The following UBE2H variants were observed in gnomAD, a reference collection of about 807,000 sequenced individuals.
UBE2H encodes the protein ubiquitin-conjugating enzyme E2 H.
A neutral mutation model predicts 29.0 loss-of-function variants in UBE2H; 3 were observed. The observed-to-expected ratio is 0.10, with a 90% CI of 0.05 to 0.27. The LOEUF is 0.27. Among genes scored for constraint, UBE2H ranks in the 10% least tolerant of loss-of-function variants. UBE2H has a pLI of 1.00. For missense variants in UBE2H, 68 were observed against 228.2 expected, an observed-to-expected ratio of 0.30 and a Z score of 4.52; for synonymous variants, 69 against 82.9, an observed-to-expected ratio of 0.83 and a Z score of 0.91.
At chr7:129,850,069 A>C (rs1001172254) in intron 5 of UBE2H, among the ~76,000 whole-genome samples, 1 of 151,990 alleles carries the variant, frequency 6.6e-6, no homozygotes, top group Admixed American at 6.6e-5. Flanking sequence ...CCCTCCTCCC[A>C]CCTCTCAAAA....
At chr7:129,850,515 A>G (rs1805589272) in intron 5 of UBE2H, among the ~76,000 whole-genome samples, 1 of 152,164 alleles carries the variant, frequency 6.6e-6, no homozygotes, top group African/African-American at 2.4e-5. Flanking sequence ...GGAAAGGGCA[A>G]TATGAAAGAT....
At chr7:129,944,153 A>G (rs192063692) in intron 1 of UBE2H, among the ~76,000 whole-genome samples, 3,145 of 151,132 alleles carry the variant, frequency 0.021, 49 homozygotes, top group Non-Finnish European at 0.032. Flanking sequence ...TCAGGAGATC[A>G]AGACCATCCT....
At chr7:129,930,159 T>C (rs148374784) in intron 1 of UBE2H, among the ~76,000 whole-genome samples, 1 of 152,274 alleles carries the variant, frequency 6.6e-6, no homozygotes, top group East Asian at 1.9e-4. Context: ...CAGCACGCTT[T>C]ACACTCTGTA....
In UBE2H at chr7:129,832,478, TCA is replaced by T. The variant is rs1238803811; in HGVS notation, c.*2457_*2458del. 1.8e-5 allele frequency: 2 copies of T among 110,488 alleles called. No homozygotes were observed. The highest frequency in any genetic ancestry group is 2.7e-4 in the East Asian group (1 of 3,656). 6.8% of individuals were successfully genotyped at this position (110,488 alleles called of 1,614,324 possible). ...CACACACACACTCTCGCTCACACTC[TCA>T]CACATGTGCACACATACACACACTC... is the stretch of plus-strand genomic sequence containing the variant. On this transcript the variant is annotated 3_prime_UTR_variant, in exon 7 of 7. Coordinates refer to ENST00000355621, the MANE Select transcript of UBE2H (RefSeq NM_003344.4).
chr7:129,927,513 C>T (rs1363139645), intron 1 of UBE2H, among the ~76,000 whole-genome samples: 1 of 152,150 alleles, frequency 6.6e-6, no homozygotes, highest in Admixed American at 6.5e-5. Flanking sequence ...GCACTCCAGC[C>T]TGGCTGACAG....
rs904863454 is a variant in UBE2H, at chr7:129,840,193, G to GT, written c.299-859dup. On this transcript the variant is annotated intron_variant, in intron 5 of 6. Coordinates refer to ENST00000355621, the MANE Select transcript of UBE2H (RefSeq NM_003344.4). ...CTACTGCATTTATTTATTTAAAAAA[G>GT]TTTTTTTTTTGAGAGAGGATCTCAC... 5.1e-3 allele frequency among the ~76,000 whole-genome samples: 753 copies of GT among 148,824 alleles called. 7 individuals are homozygous for GT. The highest frequency in any genetic ancestry group is 0.016 in the African/African-American group (656 of 40,650).
chr7:129,881,889 T>C (rs1050625339), intron 1 of UBE2H, among the ~76,000 whole-genome samples: 1 of 152,266 alleles, frequency 6.6e-6, no homozygotes, highest in Middle Eastern at 3.4e-3. Flanking sequence ...TATGGAATAA[T>C]CAACACAGTT....
In UBE2H at chr7:129,835,065, C is replaced by A; in HGVS notation, c.428-4G>T. On this transcript the variant is annotated splice_region_variant and splice_polypyrimidine_tract_variant and intron_variant, in intron 6 of 6. Coordinates refer to ENST00000355621, the MANE Select transcript of UBE2H (RefSeq NM_003344.4). The stretch of plus-strand genomic sequence containing the variant: ...GTGGCGTATTTCTGGATGTACTCTG[C>A]ACGGGGTGGGAGAAAGACAACAAGG... 6.2e-7 allele frequency: 1 copy of A among 1,614,046 alleles called. No homozygotes were observed. The highest frequency in any genetic ancestry group is 8.5e-7 in the Non-Finnish European group (1 of 1,180,008).
intron 1 of UBE2H, among the ~76,000 whole-genome samples, chr7:129,931,405 AC>A (rs1309266252): frequency 3.9e-5 from 6 of 152,006 alleles, no homozygotes; most frequent in Non-Finnish European, 7.4e-5. Context: ...GAAAAAAAAA[AC>A]CTGAAGACCT....
At chr7:129,850,118 G>C (rs1011302539) in intron 5 of UBE2H, among the ~76,000 whole-genome samples, 1 of 152,166 alleles carries the variant, frequency 6.6e-6, no homozygotes, top group East Asian at 1.9e-4. Context: ...TGTAATCCTA[G>C]CACTTTGGGA....
chr7:129,870,364 C>G, intron 3 of UBE2H, among the ~76,000 whole-genome samples: 1 of 152,298 alleles, frequency 6.6e-6, no homozygotes, highest in East Asian at 1.9e-4. Context: ...ACCTGCTGTC[C>G]CAGCACATTG....
intron 1 of UBE2H, among the ~76,000 whole-genome samples, chr7:129,952,191 G>A (rs1309319577): frequency 6.6e-6 from 1 of 151,910 alleles, no homozygotes; most frequent in Non-Finnish European, 1.5e-5. Flanking sequence ...TAGAGAGTGA[G>A]GCGACTGGTC....
At chr7:129,924,308 G>A (rs760058802) in intron 1 of UBE2H, among the ~76,000 whole-genome samples, 28 of 152,272 alleles carry the variant, frequency 1.8e-4, no homozygotes, top group South Asian at 4.1e-4. Context: ...TACTAATGGC[G>A]TAAGACTGAG....
intron 1 of UBE2H, among the ~76,000 whole-genome samples, chr7:129,917,893 G>A (rs1307456522): frequency 6.6e-6 from 1 of 152,108 alleles, no homozygotes; most frequent in Non-Finnish European, 1.5e-5. Flanking sequence ...ACATACCTTT[G>A]AATACGCTCC....
intron 1 of UBE2H, among the ~76,000 whole-genome samples, chr7:129,890,252 C>T (rs150085552): frequency 6.8e-6 from 1 of 146,866 alleles, no homozygotes; most frequent in Non-Finnish European, 1.5e-5. Flanking sequence ...CACACGTATA[C>T]ATACACACGT....
In UBE2H at chr7:129,835,006, G is replaced by C; in HGVS notation, c.483C>G (p.Thr161=). Residue 161 remains threonine, a synonymous_variant, in exon 7 of 7, where the codon ACC becomes ACG. Coordinates refer to ENST00000355621, the MANE Select transcript of UBE2H (RefSeq NM_003344.4). ...EEALKEQEEG[T]GDSSSESSMS... Reference sequence around the variant, plus strand: ...TAGAGCTCTCCGATGAGCTGTCCCCGGTACCCTCTTCCTGTTCTTTCAGCG... The same window carrying C: ...TAGAGCTCTCCGATGAGCTGTCCCCCGTACCCTCTTCCTGTTCTTTCAGCG... 1 of 1,613,972 alleles carries C rather than the reference G, an allele frequency of 6.2e-7. No individual in the cohort carries two copies. The highest frequency in any genetic ancestry group is 8.5e-7 in the Non-Finnish European group (1 of 1,180,018).
At chr7:129,909,261 T>C (rs1003098719) in intron 1 of UBE2H, among the ~76,000 whole-genome samples, 5 of 152,024 alleles carry the variant, frequency 3.3e-5, no homozygotes, top group East Asian at 1.9e-4. Context: ...AGAAGAAACA[T>C]GTACAAGAAT....
chr7:129,902,415 C>T (rs767638008), intron 1 of UBE2H, among the ~76,000 whole-genome samples: 30 of 152,154 alleles, frequency 2.0e-4, no homozygotes, highest in Admixed American at 3.3e-4. Flanking sequence ...GCAGGAGAAT[C>T]GCTTGGACCT....
chr7:129,871,125 A>G (rs1444153463), intron 3 of UBE2H, among the ~76,000 whole-genome samples: 1 of 152,204 alleles, frequency 6.6e-6, no homozygotes, highest in Non-Finnish European at 1.5e-5. Context: ...TCGCACTCCA[A>G]AAGAACATAA....
Sources: allele counts gnomAD v4.1 joint callset (sites outside exome capture counted in the v4.1 genomes callset), GRCh38; gene constraint gnomAD v4.1.1; transcripts MANE v1.5; gene names NCBI Gene and HGNC (gene_info 2026-07-23, HGNC 2026-07-21).